Variants in KREMEN1 observed in about 807,000 individuals in gnomAD.
The protein encoded by KREMEN1 is kringle containing transmembrane protein 1.
A neutral mutation model predicts 46.5 loss-of-function variants in KREMEN1; 30 were observed. The ratio of observed to expected loss-of-function variants is 0.65; its 90% CI spans 0.48 to 0.88. KREMEN1 has a LOEUF of 0.88. Ranked by LOEUF, KREMEN1 falls within the 40% of genes least tolerant of loss-of-function variation. KREMEN1 has a pLI of 0.00. For synonymous variants in KREMEN1, 214 were observed against 230.6 expected (o/e 0.93, Z 0.65); for missense variants, 533 against 596.9 (o/e 0.89, Z 1.11).
chr22:29,162,790 A>C (rs1419462815), intron 9 of KREMEN1, among the ~76,000 whole-genome samples: 1 of 152,210 alleles, frequency 6.6e-6, no homozygotes, highest in African/African-American at 2.4e-5. Flanking sequence ...GTATTATACC[A>C]AAATGACATA....
At chr22:29,111,927 C>T (rs73882464) in intron 3 of KREMEN1, among the ~76,000 whole-genome samples, 1,776 of 152,236 alleles carry the variant, frequency 0.012, 37 homozygotes, top group African/African-American at 0.04. Context: ...ATTTGGTTAC[C>T]AGGACTAGAA....
chr22:29,077,915 A>G (rs2037597394), intron 1 of KREMEN1, among the ~76,000 whole-genome samples: 1 of 152,130 alleles, frequency 6.6e-6, no homozygotes, highest in South Asian at 2.1e-4. Context: ...TTTTAAAAAG[A>G]TACGTATGGG....
intron 9 of KREMEN1, among the ~76,000 whole-genome samples, chr22:29,153,468 C>T (rs1468508656): frequency 6.6e-6 from 1 of 152,156 alleles, no homozygotes; most frequent in African/African-American, 2.4e-5. Flanking sequence ...TCCATCTCAG[C>T]TTCCTGAGTA....
rs2038092605 is a variant in KREMEN1, at chr22:29,108,288, A to T, written c.352+9335A>T. Among the ~76,000 whole-genome samples, 4 of 152,364 alleles carry T rather than the reference A, an allele frequency of 2.6e-5. No individual in the cohort carries two copies. The South Asian group carries it at 8.3e-4, about 32-fold the overall frequency. On this transcript the variant is annotated intron_variant, in intron 3 of 8. Coordinates refer to ENST00000400335, the MANE Select transcript of KREMEN1 (RefSeq NM_001039570.3). ...GGCGATGAGAGTGAAACCCTGTCTC[A>T]AAAGACAAAATTCTTTCTTGATGCC...
intron 1 of KREMEN1, among the ~76,000 whole-genome samples, chr22:29,077,941 G>A (rs1052174873): frequency 6.6e-6 from 1 of 152,076 alleles, no homozygotes; most frequent in Non-Finnish European, 1.5e-5. Flanking sequence ...GTTTGTGCAC[G>A]TACATTTGGG....
rs147124333 is a variant in KREMEN1 at position 29,165,481 on chromosome 22, T to C, written c.1417-1563T>C. Among the ~76,000 whole-genome samples the C allele has an allele frequency of 1.9e-3, 285 of 151,962 alleles. 1 individual carries two copies. Among genetic ancestry groups the C allele is most frequent in the African/African-American group, 6.5e-3 (268 of 41,422 alleles). On this transcript the variant is annotated intron_variant, in intron 9 of 9. Transcript: ENST00000327813. The stretch of plus-strand genomic sequence containing the variant: ...TGGTACAGAAGCCAGCCCTATTCAG[T>C]ATGGGAGGTGACCGTACCAGGGCAT...
At chr22:29,095,669 T>C (rs1401816927) in intron 2 of KREMEN1, among the ~76,000 whole-genome samples, 1 of 152,192 alleles carries the variant, frequency 6.6e-6, no homozygotes, top group East Asian at 1.9e-4. Context: ...TTTTCCTGTA[T>C]TGTATGGGCC....
rs1214334524 is a variant in KREMEN1, at chr22:29,088,136, C to T, written c.98-6122C>T. Among the ~76,000 whole-genome samples, 11 of 152,226 alleles carry T rather than the reference C, an allele frequency of 7.2e-5. No individual in the cohort carries two copies. The East Asian group carries it at 1.4e-3, about 19-fold the overall frequency. Reference sequence around the variant, plus strand: ...TTTCCCTTACCGCTTATCCATTGAACGCTAGGATTCAACACAGGATTCAAA... The same window carrying T: ...TTTCCCTTACCGCTTATCCATTGAATGCTAGGATTCAACACAGGATTCAAA... On this transcript the variant is annotated intron_variant, in intron 1 of 8. Transcript: ENST00000400335.
downstream of KREMEN1, among the ~76,000 whole-genome samples, chr22:29,146,971 A>G (rs188459887): frequency 8.5e-4 from 129 of 152,202 alleles, no homozygotes; most frequent in African/African-American, 2.9e-3. Context: ...AATTTCTTCC[A>G]GTCTTGTGAC....
At chr22:29,134,818 G>A in intron 5 of KREMEN1, among the ~76,000 whole-genome samples, 1 of 152,154 alleles carries the variant, frequency 6.6e-6, no homozygotes, top group East Asian at 1.9e-4. Context: ...GTACCCGTGA[G>A]TTTTCCTCAG....
At chr22:29,161,506 C>CAA (rs35296953) in intron 9 of KREMEN1, among the ~76,000 whole-genome samples, 67 of 63,332 alleles carry the variant, frequency 1.1e-3, no homozygotes, top group Middle Eastern at 0.013. Context: ...GACTCCATCT[C>CAA]AAAAAAAAAA....
intron 3 of KREMEN1, among the ~76,000 whole-genome samples, chr22:29,105,311 A>G (rs1016622695): frequency 7.3e-6 from 1 of 136,256 alleles, no homozygotes; most frequent in Admixed American, 7.9e-5. Context: ...GACCCGTTAC[A>G]TTTTTAACAA....
chr22:29,157,412 A>G (rs998907676), intron 9 of KREMEN1, among the ~76,000 whole-genome samples: 1 of 152,226 alleles, frequency 6.6e-6, no homozygotes, highest in African/African-American at 2.4e-5. Flanking sequence ...ATCTCAGCTC[A>G]CTGCAACCTC....
chr22:29,085,177 A>T (rs2037710292), intron 1 of KREMEN1, among the ~76,000 whole-genome samples: 1 of 152,250 alleles, frequency 6.6e-6, no homozygotes, highest in African/African-American at 2.4e-5. Context: ...TCAAAATAAC[A>T]TGTTGGTAAC....
intron 3 of KREMEN1, among the ~76,000 whole-genome samples, chr22:29,120,464 C>G (rs6005996): frequency 0.82 from 27,713 of 33,836 alleles, 11,832 homozygotes; most frequent in Non-Finnish European, 0.84. Flanking sequence ...AGGAGGGAGA[C>G]GTGATGATGG....
At chr22:29,120,078 A>T (rs62236925) in intron 3 of KREMEN1, among the ~76,000 whole-genome samples, 11,842 of 24,054 alleles carry the variant, frequency 0.49, 3,919 homozygotes, top group East Asian at 0.78. Context: ...GAGGTGATGA[A>T]GGAAATGGAG....
intron 2 of KREMEN1, among the ~76,000 whole-genome samples, chr22:29,095,268 C>G (rs946915327): frequency 6.6e-6 from 1 of 152,168 alleles, no homozygotes; most frequent in East Asian, 1.9e-4. Flanking sequence ...TTTTCACCTC[C>G]CGTCTGACTC....
rs2037844614 is a variant in KREMEN1 at position 29,094,316 on chromosome 22, A to T, written c.156A>T (p.Gln52His). ...YRGTQNWTAL[Q>H]GGKPCLFWNE... Reference sequence around the variant, plus strand: ...GAACACAGAACTGGACAGCACTACAAGGCGGGAAGCCATGTCTGTTTTGGA... The same window carrying T: ...GAACACAGAACTGGACAGCACTACATGGCGGGAAGCCATGTCTGTTTTGGA... The change falls in exon 2 of 9, where the codon CAA (glutamine) becomes CAT (histidine). Residue 52 changes from glutamine (Q) to histidine (H), a missense_variant. By Grantham distance (24) the Gln-to-His change is conservative. Coordinates refer to ENST00000400335, the MANE Select transcript of KREMEN1 (RefSeq NM_001039570.3). 9 of 1,613,574 alleles carry T rather than the reference A, an allele frequency of 5.6e-6. No homozygotes were observed. The highest frequency in any genetic ancestry group is 7.6e-6 in the Non-Finnish European group (9 of 1,179,612).
intron 3 of KREMEN1, among the ~76,000 whole-genome samples, chr22:29,115,405 C>T (rs2145800392): frequency 6.6e-6 from 1 of 151,044 alleles, no homozygotes; most frequent in East Asian, 1.9e-4. Context: ...TGTAACCAAA[C>T]ACCACCTGTT....
Sources: gnomAD v4.1 joint callset for allele counts (sites outside exome capture counted in the v4.1 genomes callset) on GRCh38, gnomAD v4.1.1 for gene constraint, MANE v1.5 for transcripts, NCBI Gene and HGNC (gene_info 2026-07-23, HGNC 2026-07-21) for gene names.